Variants in HOXC4 observed in about 807,000 individuals in gnomAD.
HOXC4 encodes the protein homeobox C4.
Under a neutral mutation model 25.5 loss-of-function variants are expected in HOXC4, and 15 were observed. That is an observed-to-expected ratio of 0.59 (90% CI 0.39 to 0.91). The LOEUF is 0.91. HOXC4 is among the 40% of genes least tolerant of loss of function. The pLI, the probability that HOXC4 is intolerant of heterozygous loss-of-function variation, is 0.00. For missense variants in HOXC4, 342 were observed against 352.4 expected (o/e 0.97, Z 0.24); for synonymous variants, 165 against 148.0 (o/e 1.11, Z -0.83).
Position 54,056,025 on chromosome 12 carries a change from G to A in HOXC4, c.*820G>A, listed in dbSNP as rs1937975078. On this transcript the variant is annotated 3_prime_UTR_variant, in exon 2 of 2. Transcript: ENST00000430889. ...ATAATAAACCAGTGGATGTGAATTA[G>A]TTTTACGTCAATGTCTGATGGTTTC... The A allele has an allele frequency of 6.6e-6, 1 of 152,648 alleles. No homozygotes were observed. Among genetic ancestry groups the A allele is most frequent in the Non-Finnish European group, 1.5e-5 (1 of 68,044 alleles). The allele number at this position is 152,648 out of a possible 1,614,324, so 9.5% of individuals were successfully genotyped here.
rs145794998 is a variant in HOXC4, at chr12:54,034,281, C to G, written c.-124+16867C>G. ...TGGGGTGGGGTTTATGTTCCAGAGACGGACGGCAAGCGGTCCCGAACCAGT... is the reference window on the plus strand; with the variant it reads ...TGGGGTGGGGTTTATGTTCCAGAGAGGGACGGCAAGCGGTCCCGAACCAGT... On this transcript the variant is annotated intron_variant, in intron 1 of 3. Transcript: ENST00000303406. 67 of 1,612,980 alleles carry G rather than the reference C, an allele frequency of 4.2e-5. No homozygotes were observed. In the African/African-American group the frequency reaches 8.3e-4, roughly 20 times the overall value.
chr12:54,033,123 A>G (rs778970476), intron 1 of HOXC4: 5 of 1,597,344 alleles, frequency 3.1e-6, no homozygotes, highest in Admixed American at 3.4e-5. Flanking sequence ...CCTCCCCGCC[A>G]TGAGCTCCTA....
intron 1 of HOXC4, among the ~76,000 whole-genome samples, chr12:54,046,291 G>C (rs1937702473): frequency 6.6e-6 from 1 of 152,034 alleles, no homozygotes. Flanking sequence ...CCAACTCCTC[G>C]GCTCCTTTGG....
At chr12:54,019,442 GC>G (rs1405137405) in intron 1 of HOXC4, among the ~76,000 whole-genome samples, 1 of 152,146 alleles carries the variant, frequency 6.6e-6, no homozygotes, top group African/African-American at 2.4e-5. Context: ...CACAAGAGGG[GC>G]CCGAGAGGCC....
chr12:54,046,422 A>T (rs998656595), intron 1 of HOXC4, among the ~76,000 whole-genome samples: 1 of 152,052 alleles, frequency 6.6e-6, no homozygotes, highest in Non-Finnish European at 1.5e-5. Context: ...CTGGGGGACA[A>T]GTATTGGGGT....
chr12:54,043,528 C>T (rs576306383), intron 1 of HOXC4, among the ~76,000 whole-genome samples: 1 of 152,318 alleles, frequency 6.6e-6, no homozygotes, highest in Admixed American at 6.5e-5. Context: ...ACTTCCCACT[C>T]CTCCCTCCCA....
intron 1 of HOXC4, among the ~76,000 whole-genome samples, chr12:54,044,766 C>T (rs1166582760): frequency 6.6e-6 from 1 of 151,752 alleles, no homozygotes; most frequent in African/African-American, 2.4e-5. Context: ...CTTCTCACAT[C>T]TCTATGTACC....
intron 1 of HOXC4, among the ~76,000 whole-genome samples, chr12:54,037,625 C>T (rs1030739399): frequency 6.6e-6 from 1 of 152,234 alleles, no homozygotes; most frequent in Non-Finnish European, 1.5e-5. Flanking sequence ...CCTCTCCCCC[C>T]TCTCCACCCT....
intron 1 of HOXC4, 45 bp from the exon 2 acceptor site, chr12:54,054,805 C>T: frequency 7.5e-7 from 1 of 1,329,236 alleles, no homozygotes; most frequent in Non-Finnish European, 1.1e-6. Flanking sequence ...GGGCGGGGAG[C>T]CTGCTGCCTC....
At chr12:54,051,413 C>A (rs1937843641), upstream of HOXC4, among the ~76,000 whole-genome samples, 1 of 141,024 alleles carries the variant, frequency 7.1e-6, no homozygotes, top group South Asian at 2.2e-4. Context: ...CCCACCCCCA[C>A]CACCAATGAT....
rs114767687 is a variant in HOXC4 at position 54,018,829 on chromosome 12, G to T, written c.-124+1415G>T. On this transcript the variant is annotated intron_variant, in intron 1 of 3. Transcript: ENST00000303406. ...CCAGACTTACCTTAATCTAAGCCAAGACACCCCCTCTACCCCCACCCTCTC... is the reference window on the plus strand; with the variant it reads ...CCAGACTTACCTTAATCTAAGCCAATACACCCCCTCTACCCCCACCCTCTC... 8.6e-3 allele frequency among the ~76,000 whole-genome samples: 1,313 copies of T among 152,206 alleles called. 21 individuals carry two copies. The highest frequency in any genetic ancestry group is 0.03 in the African/African-American group (1,254 of 41,512).
intron 1 of HOXC4, among the ~76,000 whole-genome samples, chr12:54,026,439 CA>C (rs1432244589): frequency 6.6e-6 from 1 of 152,130 alleles, no homozygotes; most frequent in Non-Finnish European, 1.5e-5. Flanking sequence ...CAAGTCACCC[CA>C]AAAATGAGAT....
At chr12:54,026,939 C>G (rs374395964) in intron 1 of HOXC4, among the ~76,000 whole-genome samples, 4 of 141,780 alleles carry the variant, frequency 2.8e-5, no homozygotes, top group South Asian at 2.2e-4. Context: ...CCAGCTTTCC[C>G]CCCCCCCAAC....
chr12:54,030,776 G>A (rs1397545992), intron 1 of HOXC4: 1 of 152,422 alleles, frequency 6.6e-6, no homozygotes, highest in Non-Finnish European at 1.5e-5. Flanking sequence ...CAACCTCTGG[G>A]TCCGTTCTCG....
chr12:54,033,263 C>T, intron 1 of HOXC4: 1 of 1,614,190 alleles, frequency 6.2e-7, no homozygotes, highest in South Asian at 1.1e-5. Context: ...ACTTAAGCAT[C>T]ACTTTCCCAC....
In HOXC4 at chr12:54,055,070, C is replaced by G. The variant is rs1937942679; in HGVS notation, c.660C>G (p.Thr220=). The change falls in exon 2 of 2, where the codon ACC becomes ACG. Residue 220 remains threonine (T), a synonymous_variant. Transcript: ENST00000430889. ...AGAAGGACCACCGACTCCCCAACACCAAAGTCAGGTCAGCACCCCCGGCCG... is the reference window on the plus strand; with the variant it reads ...AGAAGGACCACCGACTCCCCAACACGAAAGTCAGGTCAGCACCCCCGGCCG... ...KWKKDHRLPN[T]KVRSAPPAGA... 2 of 1,613,720 alleles carry G rather than the reference C, an allele frequency of 1.2e-6. No homozygotes were observed. Among genetic ancestry groups the G allele is most frequent in the Non-Finnish European group, 1.7e-6 (2 of 1,179,908 alleles).
chr12:54,049,929 A>G (rs7301275), upstream of HOXC4, among the ~76,000 whole-genome samples: 43 of 151,142 alleles, frequency 2.8e-4, 1 homozygote, highest in Non-Finnish European at 5.3e-4. Context: ...GTGAAAGGAA[A>G]CAGAAATGTT....
chr12:54,034,346 C>T, intron 1 of HOXC4: 1 of 1,614,230 alleles, frequency 6.2e-7, no homozygotes, highest in Non-Finnish European at 8.5e-7. Flanking sequence ...GAAAGAATTC[C>T]ACTTTAACCG....
chr12:54,033,006 A>C, intron 1 of HOXC4: 2 of 758,918 alleles, frequency 2.6e-6, no homozygotes, highest in East Asian at 5.3e-5. Flanking sequence ...ATAAAGAAAG[A>C]GATATCTCCA....
Sources: allele counts gnomAD v4.1 joint callset (sites outside exome capture counted in the v4.1 genomes callset), GRCh38; gene constraint gnomAD v4.1.1; transcripts MANE v1.5; gene names NCBI Gene and HGNC (gene_info 2026-07-23, HGNC 2026-07-21).